ATE1: variants seen among roughly 807,000 people sequenced by gnomAD.
ATE1 encodes the protein arginyl-tRNA--protein transferase 1.
A neutral mutation model predicts 70.5 loss-of-function variants in ATE1; 36 were observed. The ratio of observed to expected loss-of-function variants is 0.51; its 90% CI spans 0.39 to 0.67. The LOEUF (loss-of-function observed/expected upper bound fraction) is 0.67. Among genes scored for constraint, ATE1 ranks in the 30% least tolerant of loss-of-function variants. The pLI is 0.00. For missense variants in ATE1, 593 were observed against 629.5 expected (o/e 0.94, Z 0.62); for synonymous variants, 232 against 219.3 (o/e 1.06, Z -0.51).
At chr10:121,790,057 A>G in intron 11 of ATE1, 112 bp downstream of exon 11, 1 of 1,403,992 alleles carries the variant, frequency 7.1e-7, no homozygotes, top group Non-Finnish European at 9.7e-7. Context: ...CATGCACAGC[A>G]TACTCTATAA....
intron 10 of ATE1, among the ~76,000 whole-genome samples, chr10:121,836,014 T>G (rs1437819344): frequency 6.6e-6 from 1 of 152,200 alleles, no homozygotes; most frequent in Non-Finnish European, 1.5e-5. Flanking sequence ...TACCTTAGCC[T>G]GGCCTTCAGG....
chr10:121,889,010 CTTAT>C (rs1056583267), intron 7 of ATE1, among the ~76,000 whole-genome samples: 1 of 152,034 alleles, frequency 6.6e-6, no homozygotes, highest in Admixed American at 6.5e-5. Context: ...TAGTAATCAA[CTTAT>C]TTATTTATTT....
chr10:121,822,933 A>C (rs1947856857), intron 10 of ATE1, among the ~76,000 whole-genome samples: 1 of 152,090 alleles, frequency 6.6e-6, no homozygotes, highest in Admixed American at 6.6e-5. Flanking sequence ...ATAAACACTG[A>C]CTCATCATAT....
At chr10:121,916,791 C>T (rs763869907) in intron 3 of ATE1, among the ~76,000 whole-genome samples, 3 of 151,250 alleles carry the variant, frequency 2.0e-5, no homozygotes, top group Non-Finnish European at 2.9e-5. Context: ...GCCAAGATCG[C>T]GCCACTGCAC....
chr10:121,925,364 G>A (rs1952043378), intron 1 of ATE1, among the ~76,000 whole-genome samples: 1 of 149,822 alleles, frequency 6.7e-6, no homozygotes, highest in Non-Finnish European at 1.5e-5. Context: ...AGGTTGCAGT[G>A]ACTCGAGATC....
intron 7 of ATE1, among the ~76,000 whole-genome samples, chr10:121,877,330 C>T (rs1950086804): frequency 6.6e-6 from 1 of 151,910 alleles, no homozygotes; most frequent in Non-Finnish European, 1.5e-5. Flanking sequence ...ACACTAAGGC[C>T]GAAATTTTAT....
intron 8 of ATE1, among the ~76,000 whole-genome samples, chr10:121,850,888 G>A (rs571369164): frequency 2.0e-4 from 30 of 151,354 alleles, no homozygotes; most frequent in African/African-American, 7.3e-4. Flanking sequence ...TCAGGAGATC[G>A]ACACCATCCT....
intron 10 of ATE1, among the ~76,000 whole-genome samples, chr10:121,820,916 T>C (rs1375898703): frequency 6.6e-6 from 1 of 152,240 alleles, no homozygotes; most frequent in East Asian, 1.9e-4. Flanking sequence ...AAGGTAAAAC[T>C]ATAAAATTCC....
chr10:121,910,343 T>C (rs575321713), intron 5 of ATE1, among the ~76,000 whole-genome samples: 2 of 152,200 alleles, frequency 1.3e-5, no homozygotes. Flanking sequence ...AAGAGTCATA[T>C]ACACACATAT....
At chr10:121,837,959 C>T (rs945106361) in intron 9 of ATE1, among the ~76,000 whole-genome samples, 2 of 152,120 alleles carry the variant, frequency 1.3e-5, no homozygotes, top group African/African-American at 2.4e-5. Context: ...GGCCCCAAAC[C>T]TTGGAGTCAC....
At chr10:121,920,795 C>T (rs553319470) in intron 3 of ATE1, among the ~76,000 whole-genome samples, 1 of 151,998 alleles carries the variant, frequency 6.6e-6, no homozygotes, top group Non-Finnish European at 1.5e-5. Context: ...GAGTTCAAGA[C>T]CAGCCTGGCC....
At chr10:121,789,951 T>TG (rs5788516) in intron 11 of ATE1, among the ~76,000 whole-genome samples, 146,907 of 152,122 alleles carry the variant, frequency 0.97, 71,109 homozygotes, top group East Asian at 1. Context: ...GGTCAGTAAG[T>TG]GCACGAGCAC....
At chr10:121,903,077 A>G (rs894889988) in intron 5 of ATE1, among the ~76,000 whole-genome samples, 3 of 151,570 alleles carry the variant, frequency 2.0e-5, no homozygotes, top group Non-Finnish European at 2.9e-5. Context: ...TGTTGGCCAG[A>G]CTGGTCTCAA....
At chr10:121,759,805 C>A (rs7905056) in intron 11 of ATE1, among the ~76,000 whole-genome samples, 12 of 151,926 alleles carry the variant, frequency 7.9e-5, no homozygotes, top group South Asian at 6.2e-4. Context: ...AAGATCTAGC[C>A]AAGATCATCA....
intron 10 of ATE1, among the ~76,000 whole-genome samples, chr10:121,819,878 G>A (rs1947723791): frequency 6.6e-6 from 1 of 151,884 alleles, no homozygotes; most frequent in Non-Finnish European, 1.5e-5. Flanking sequence ...GGGCGTGGTG[G>A]CTCATGCCTG....
intron 7 of ATE1, among the ~76,000 whole-genome samples, chr10:121,886,065 G>A (rs1187361454): frequency 6.6e-6 from 1 of 151,988 alleles, no homozygotes; most frequent in Non-Finnish European, 1.5e-5. Context: ...CATTTCCCTT[G>A]ATTGTCATGT....
chr10:121,884,867 G>A (rs1950333769), intron 7 of ATE1, among the ~76,000 whole-genome samples: 3 of 152,156 alleles, frequency 2.0e-5, no homozygotes, highest in Admixed American at 6.5e-5. Context: ...AGTGTTCCCT[G>A]ACTTAGGAGT....
At chr10:121,744,257 T>C (rs1237359) in intron 11 of ATE1, among the ~76,000 whole-genome samples, 147,004 of 152,180 alleles carry the variant, frequency 0.97, 71,181 homozygotes, top group East Asian at 1. Flanking sequence ...TAACTTAAAA[T>C]ATAAAAATTA....
At chr10:121,764,025 A>G (rs10788202) in intron 11 of ATE1, among the ~76,000 whole-genome samples, 124,138 of 152,052 alleles carry the variant, frequency 0.82, 51,102 homozygotes, top group Non-Finnish European at 0.88. Flanking sequence ...AATAAAATAA[A>G]AAGAACATAT....
Sources: allele counts gnomAD v4.1 joint callset (sites outside exome capture counted in the v4.1 genomes callset), GRCh38; gene constraint gnomAD v4.1.1; transcripts MANE v1.5; gene names NCBI Gene and HGNC (gene_info 2026-07-23, HGNC 2026-07-21).